The following PCDHGA4 variants were observed in gnomAD, a reference collection of about 807,000 sequenced individuals.
PCDHGA4 encodes the protein protocadherin gamma subfamily A, 4.
Under a neutral mutation model 54.6 loss-of-function variants are expected in PCDHGA4, and 38 were observed. That is an observed-to-expected ratio of 0.70 (90% CI 0.54 to 0.91). The LOEUF (loss-of-function observed/expected upper bound fraction) is 0.91. Ranked by LOEUF, PCDHGA4 falls within the 40% of genes least tolerant of loss-of-function variation. The pLI is 0.00. For missense variants in PCDHGA4, 1,298 were observed against 1,220.9 expected (o/e 1.06, Z -0.94); for synonymous variants, 511 against 512.9 (o/e 1.00, Z 0.05).
Position 141,491,944 on chromosome 5 carries a change from C to T in PCDHGA4, c.2515-2863C>T, listed in dbSNP as rs1245968796. ...CGAGGGGAGGTGGGACCGACCCCCACCCCTACACTCAAAAAAGGCCGGGGC... is the reference window on the plus strand; with the variant it reads ...CGAGGGGAGGTGGGACCGACCCCCATCCCTACACTCAAAAAAGGCCGGGGC... On this transcript the variant is annotated intron_variant, in intron 1 of 3. Transcript: ENST00000571252. This position sits in a 1 kb window ranked among gnomAD's most constrained non-coding sequence, Gnocchi z 6.9. The T allele has an allele frequency of 1.8e-6, 2 of 1,120,156 alleles. No individual in the cohort carries two copies. Among genetic ancestry groups the T allele is most frequent in the Non-Finnish European group, 2.4e-6 (2 of 822,072 alleles). The allele number at this position is 1,120,156 out of a possible 1,614,324, so 69.4% of individuals were successfully genotyped here. A position where few individuals can be genotyped will look rare whatever the true frequency, so the allele number is the denominator to read the frequency against.
chr5:141,408,249 T>A, intron 1 of PCDHGA4: 1 of 1,589,992 alleles, frequency 6.3e-7, no homozygotes, highest in Non-Finnish European at 8.6e-7. Flanking sequence ...CCGCGGCAGG[T>A]GCTATTTCCT....
In PCDHGA4 at chr5:141,476,178, T is replaced by G; in HGVS notation, c.2515-18629T>G. Reference sequence around the variant, plus strand: ...ACCGGGAGGGTAGTGGGAGTTTTGCTTCTGCTTGGTGCCTTGAACAAGGCT... The same window carrying G: ...ACCGGGAGGGTAGTGGGAGTTTTGCGTCTGCTTGGTGCCTTGAACAAGGCT... On this transcript the variant is annotated intron_variant, in intron 1 of 3. Transcript: ENST00000571252. This position sits in a 1 kb window ranked among gnomAD's most constrained non-coding sequence, Gnocchi z 7.6. The G allele has an allele frequency of 3.1e-6, 5 of 1,613,632 alleles. No homozygotes were observed. Among genetic ancestry groups the G allele is most frequent in the Non-Finnish European group, 4.2e-6 (5 of 1,180,000 alleles).
At chr5:141,410,839 T>G in intron 1 of PCDHGA4, 2 of 481,442 alleles carry the variant, frequency 4.2e-6, no homozygotes, top group Non-Finnish European at 6.8e-6. Context: ...TGAAGATATT[T>G]TGTCTTTGTC....
At chr5:141,464,008 G>A (rs1484928987) in intron 1 of PCDHGA4, among the ~76,000 whole-genome samples, 6 of 151,674 alleles carry the variant, frequency 4.0e-5, no homozygotes, top group Non-Finnish European at 7.4e-5. Flanking sequence ...GCTCATGCTT[G>A]TAATCCCACA....
intron 1 of PCDHGA4, among the ~76,000 whole-genome samples, chr5:141,401,123 C>A (rs1289456548): frequency 1.3e-5 from 2 of 152,156 alleles, no homozygotes; most frequent in Non-Finnish European, 2.9e-5. Flanking sequence ...GCGGTTGGAT[C>A]ACATGGTCAG....
intron 1 of PCDHGA4, chr5:141,414,180 A>T: frequency 6.2e-7 from 1 of 1,608,986 alleles, no homozygotes; most frequent in Non-Finnish European, 8.5e-7. Context: ...TTGCAACTGC[A>T]AAAGTGTTGA....
At chr5:141,388,348 G>A in intron 1 of PCDHGA4, 1 of 1,613,974 alleles carries the variant, frequency 6.2e-7, no homozygotes, top group South Asian at 1.1e-5. Flanking sequence ...TTTATATTAG[G>A]ATCTGCCCAT....
At chr5:141,378,368 C>A (rs1774846187) in intron 1 of PCDHGA4, 1 of 152,194 alleles carries the variant, frequency 6.6e-6, no homozygotes, top group Non-Finnish European at 1.5e-5. Context: ...ACTAAAAATA[C>A]AAAAATTAGC....
rs1012028735 is a variant in PCDHGA4 at position 141,413,666 on chromosome 5, C to T, written c.2514+56045C>T. 4 of 1,613,666 alleles carry T rather than the reference C, an allele frequency of 2.5e-6. No individual in the cohort carries two copies. In the African/African-American group the frequency reaches 5.3e-5, roughly 22 times the overall value. On this transcript the variant is annotated intron_variant, in intron 1 of 3. Coordinates refer to ENST00000571252, the MANE Select transcript of PCDHGA4 (RefSeq NM_018917.4). ...TTTCCTCTCCCGGAAGCTATTGATC[C>T]GGATGTGGGCGTGAACTCCCTGCAG... is the stretch of plus-strand genomic sequence containing the variant.
chr5:141,406,481 T>C (rs2094814987), intron 1 of PCDHGA4, among the ~76,000 whole-genome samples: 2 of 152,242 alleles, frequency 1.3e-5, no homozygotes, highest in Admixed American at 6.5e-5. Flanking sequence ...GGTTATATTT[T>C]TCAGATCACA....
In PCDHGA4 at chr5:141,511,402, A is replaced by C; in HGVS notation, c.*229A>C. On this transcript the variant is annotated 3_prime_UTR_variant, in exon 4 of 4. Transcript: ENST00000571252. Reference sequence around the variant, plus strand: ...TTCCGCTGGGAACCCCCATCCAATCAACTGCTGTACCCATGGGGGTAGTGG... The same window carrying C: ...TTCCGCTGGGAACCCCCATCCAATCCACTGCTGTACCCATGGGGGTAGTGG... The C allele has an allele frequency of 1.0e-6, 1 of 969,684 alleles. No individual in the cohort carries two copies. 60.1% of individuals were successfully genotyped at this position (969,684 alleles called of 1,614,324 possible).
chr5:141,365,643 T>A (rs1319252902), intron 1 of PCDHGA4: 10 of 1,613,296 alleles, frequency 6.2e-6, no homozygotes, highest in Non-Finnish European at 8.5e-6. Flanking sequence ...GAAAGCCACA[T>A]CCCCTTGAAA....
Position 141,490,931 on chromosome 5 carries a change from T to C in PCDHGA4, c.2515-3876T>C. 1 of 1,613,780 alleles carries C rather than the reference T, an allele frequency of 6.2e-7. No individual in the cohort carries two copies. Among genetic ancestry groups the C allele is most frequent in the East Asian group, 2.2e-5 (1 of 44,872 alleles). ...GACGAGAATGATAATGCCCCAGCTG[T>C]GCTGCACCCACGGCCAGACTGGGAA... On this transcript the variant is annotated intron_variant, in intron 1 of 3. Transcript: ENST00000571252. This position sits in a 1 kb window ranked among gnomAD's most constrained non-coding sequence, Gnocchi z 5.4.
chr5:141,405,238 C>T, intron 1 of PCDHGA4: 1 of 1,614,168 alleles, frequency 6.2e-7, no homozygotes, highest in African/African-American at 1.3e-5. Flanking sequence ...TCACCGCTGA[C>T]TCAAGGAAGA....
intron 1 of PCDHGA4, among the ~76,000 whole-genome samples, chr5:141,424,973 G>A (rs2096851520): frequency 6.6e-6 from 1 of 152,108 alleles, no homozygotes; most frequent in African/African-American, 2.4e-5. Flanking sequence ...AAATTACTTG[G>A]ATATTTATGT....
Position 141,485,302 on chromosome 5 carries a change from T to C in PCDHGA4, c.2515-9505T>C. 1.2e-6 allele frequency: 2 copies of C among 1,614,152 alleles called. No homozygotes were observed. Among genetic ancestry groups the C allele is most frequent in the South Asian group, 2.2e-5 (2 of 91,078 alleles). On this transcript the variant is annotated intron_variant, in intron 1 of 3. Coordinates refer to ENST00000571252, the MANE Select transcript of PCDHGA4 (RefSeq NM_018917.4). This position sits in a 1 kb window ranked among gnomAD's most constrained non-coding sequence, Gnocchi z 5.7. ...TCCCAGAGGAGTCACAGGAAGGGAC[T>C]TTTGTAGGGAATGTCGCTCAAGATT... is the stretch of plus-strand genomic sequence containing the variant.
chr5:141,478,378 G>C, intron 1 of PCDHGA4: 1 of 1,613,558 alleles, frequency 6.2e-7, no homozygotes, highest in Non-Finnish European at 8.5e-7. Flanking sequence ...TGATGTCGCC[G>C]CACCTTTACC....
rs1439795137 is a variant in PCDHGA4 at position 141,375,822 on chromosome 5, G to A, written c.2514+18201G>A. On this transcript the variant is annotated intron_variant, in intron 1 of 3. Coordinates refer to ENST00000571252, the MANE Select transcript of PCDHGA4 (RefSeq NM_018917.4). ...TCCACTGGCGTGGAGCTGGCGCCCC[G>A]CTCCGCAGAGCCCGGCTACCTGGTG... The A allele has an allele frequency of 3.1e-6, 5 of 1,614,024 alleles. No homozygotes were observed. The Admixed American group carries it at 6.7e-5, about 22-fold the overall frequency.
chr5:141,446,771 A>G (rs1008985621), intron 1 of PCDHGA4, among the ~76,000 whole-genome samples: 3 of 152,158 alleles, frequency 2.0e-5, no homozygotes, highest in Admixed American at 2.0e-4. Flanking sequence ...CCAGCCGGTT[A>G]CCATTCTTTT....
Sources: gnomAD v4.1 joint callset for allele counts (sites outside exome capture counted in the v4.1 genomes callset) on GRCh38, gnomAD v4.1.1 for gene constraint, Gnocchi (gnomAD v3.1) non-coding constraint, MANE v1.5 for transcripts, NCBI Gene and HGNC (gene_info 2026-07-23, HGNC 2026-07-21) for gene names.